The following ZNF664 variants were observed in gnomAD, a reference collection of about 807,000 sequenced individuals.
The protein encoded by ZNF664 is zinc finger Organ of Corti 1.
ZNF664 carries 10 observed loss-of-function variants against 18.2 expected under a neutral mutation model. That is an observed-to-expected ratio of 0.55 (90% CI 0.34 to 0.93). The LOEUF is 0.93. ZNF664 is among the 40% of genes least tolerant of loss of function. The pLI, the probability that ZNF664 is intolerant of heterozygous loss-of-function variation, is 0.02. For synonymous variants in ZNF664, 119 were observed against 104.2 expected, an observed-to-expected ratio of 1.14 and a Z score of -0.86; for missense variants, 193 against 319.0, an observed-to-expected ratio of 0.61 and a Z score of 3.01.
At chr12:123,987,048 A>C (rs1406858247) in intron 2 of ZNF664, among the ~76,000 whole-genome samples, 1 of 152,164 alleles carries the variant, frequency 6.6e-6, no homozygotes, top group Non-Finnish European at 1.5e-5. Context: ...ACAGGACTCT[A>C]TTTCTAATGT....
At chr12:124,005,483 A>AT (rs376967966) in intron 3 of ZNF664, among the ~76,000 whole-genome samples, 1 of 142,814 alleles carries the variant, frequency 7.0e-6, no homozygotes, top group Non-Finnish European at 1.5e-5. Flanking sequence ...AATTTATAGA[A>AT]TGTGTGTGTG....
intron 3 of ZNF664, among the ~76,000 whole-genome samples, chr12:123,990,949 A>G (rs1378902681): frequency 6.6e-6 from 1 of 152,174 alleles, no homozygotes; most frequent in Non-Finnish European, 1.5e-5. Context: ...AGAGGGTGAG[A>G]GTGAGCATCT....
chr12:124,011,318 G>C (rs773239681), intron 3 of ZNF664, 63 bp from the exon 4 acceptor site: 4 of 995,806 alleles, frequency 4.0e-6, no homozygotes, highest in African/African-American at 1.7e-5. Flanking sequence ...ATGAGTTATT[G>C]TAATTGGATT....
At chr12:123,974,366 C>T (rs1956655652) in intron 2 of ZNF664, 1 of 226,478 alleles carries the variant, frequency 4.4e-6, no homozygotes, top group African/African-American at 2.3e-5. Context: ...TGAGCTATTG[C>T]CTTCTTCAAG....
chr12:123,992,858 G>T (rs1031118622), intron 3 of ZNF664, among the ~76,000 whole-genome samples: 1 of 152,180 alleles, frequency 6.6e-6, no homozygotes, highest in Non-Finnish European at 1.5e-5. Context: ...TGACCACAGA[G>T]ATTTAGACCT....
intron 3 of ZNF664, among the ~76,000 whole-genome samples, chr12:123,998,947 A>G (rs528770397): frequency 6.6e-6 from 1 of 152,258 alleles, no homozygotes; most frequent in South Asian, 2.1e-4. Context: ...TCACTTATCT[A>G]TGTCAAATAA....
chr12:123,973,306 G>C lies in ZNF664; in HGVS notation c.-938G>C. The stretch of plus-strand genomic sequence containing the variant: ...GAGGTGTCCCTGAGGAGAGGGAGGT[G>C]GGTGCGCGGCGCCCGCGGCCTGGGG... On this transcript the variant is annotated 5_prime_UTR_variant, in exon 1 of 5. Transcript: ENST00000337815. 1.2e-6 allele frequency: 1 copy of C among 805,686 alleles called. No homozygotes were observed. Among genetic ancestry groups the C allele is most frequent in the African/African-American group, 1.9e-5 (1 of 52,348 alleles). The allele number at this position is 805,686 out of a possible 1,614,324, so 49.9% of individuals were successfully genotyped here.
At position 124,012,100 on chromosome 12, in the gene ZNF664, C is replaced by A; in HGVS notation, c.-45C>A. On this transcript the variant is annotated 5_prime_UTR_variant, in exon 5 of 5. Coordinates refer to ENST00000337815, the MANE Select transcript of ZNF664 (RefSeq NM_152437.3). ...ATAACAGTCTTGTAACTGTAGTAAT[C>A]ATAAGGAAATTTTCTCCTTGAAATC... 1.9e-6 allele frequency: 3 copies of A among 1,562,296 alleles called. No homozygotes were observed. The highest frequency in any genetic ancestry group is 2.2e-5 in the East Asian group (1 of 44,626).
intron 3 of ZNF664, among the ~76,000 whole-genome samples, chr12:124,006,631 A>G (rs569637591): frequency 6.6e-6 from 1 of 152,368 alleles, no homozygotes; most frequent in African/African-American, 2.4e-5. Context: ...GAGAGAGGAA[A>G]GGCTCCTTTT....
intron 2 of ZNF664, among the ~76,000 whole-genome samples, chr12:123,981,045 G>A (rs892194931): frequency 1.3e-5 from 2 of 152,124 alleles, no homozygotes; most frequent in Non-Finnish European, 2.9e-5. Context: ...ATTTTAGAAG[G>A]TTACATTAGA....
chr12:123,989,497 G>A (rs997738817), intron 3 of ZNF664: 2 of 152,186 alleles, frequency 1.3e-5, no homozygotes, highest in Non-Finnish European at 2.9e-5. Context: ...ATTCCCGTAT[G>A]CGCTTTGGTC....
chr12:124,004,624 C>G (rs567710103), intron 3 of ZNF664, among the ~76,000 whole-genome samples: 1 of 152,278 alleles, frequency 6.6e-6, no homozygotes, highest in South Asian at 2.1e-4. Context: ...CAGTCCATGG[C>G]CTGTTAGGAA....
intron 3 of ZNF664, among the ~76,000 whole-genome samples, chr12:123,996,927 G>A (rs1002832859): frequency 6.6e-6 from 1 of 152,170 alleles, no homozygotes; most frequent in Non-Finnish European, 1.5e-5. Flanking sequence ...CCTTCCCCAG[G>A]CTGCCAGCCA....
intron 2 of ZNF664, among the ~76,000 whole-genome samples, chr12:123,980,111 T>C (rs1323188703): frequency 6.6e-6 from 1 of 152,152 alleles, no homozygotes; most frequent in South Asian, 2.1e-4. Flanking sequence ...AACAAAATAA[T>C]GAAGGGTGAG....
intron 3 of ZNF664, among the ~76,000 whole-genome samples, chr12:124,002,459 T>C (rs193085069): frequency 1.4e-4 from 22 of 152,224 alleles, no homozygotes; most frequent in Admixed American, 2.6e-4. Flanking sequence ...CTGGTAGAGG[T>C]CCAGTTGTGG....
chr12:123,973,400 G>T, intron 1 of ZNF664, 48 bp downstream of exon 1: 1 of 924,436 alleles, frequency 1.1e-6, no homozygotes, highest in African/African-American at 1.8e-5. Flanking sequence ...TTCCCGGAGG[G>T]AGGCGGGGGC....
At chr12:123,985,625 G>A (rs1252892035) in intron 2 of ZNF664, among the ~76,000 whole-genome samples, 1 of 152,190 alleles carries the variant, frequency 6.6e-6, no homozygotes, top group Non-Finnish European at 1.5e-5. Context: ...TAAAATAACT[G>A]TGTTTAAATC....
rs186344740 is a variant in ZNF664 at position 123,993,670 on chromosome 12, C to T, written c.-661+5532C>T. Among the ~76,000 whole-genome samples the T allele has an allele frequency of 4.6e-5, 7 of 152,278 alleles. 2 individuals carry two copies. The highest frequency in any genetic ancestry group is 6.5e-5 in the Admixed American group (1 of 15,292). On this transcript the variant is annotated intron_variant, in intron 3 of 4. Coordinates refer to ENST00000337815, the MANE Select transcript of ZNF664 (RefSeq NM_152437.3). ...TGCCCTCTTAACCCGGTTCCTTTGG[C>T]GGTATGTACGTCCTGATACCTAAAC...
chr12:123,982,725 A>T (rs1956780478), intron 2 of ZNF664, among the ~76,000 whole-genome samples: 1 of 152,236 alleles, frequency 6.6e-6, no homozygotes, highest in Admixed American at 6.5e-5. Context: ...AGACGAGGAC[A>T]CTCAGGAGAG....
Sources: allele counts gnomAD v4.1 joint callset (sites outside exome capture counted in the v4.1 genomes callset), GRCh38; gene constraint gnomAD v4.1.1; transcripts MANE v1.5; gene names NCBI Gene and HGNC (gene_info 2026-07-23, HGNC 2026-07-21).